TRIM2: variants seen among roughly 807,000 people sequenced by gnomAD.
TRIM2 encodes tripartite motif containing 2.
A neutral mutation model predicts 75.2 loss-of-function variants in TRIM2; 20 were observed. The ratio of observed to expected loss-of-function variants is 0.27; its 90% CI spans 0.19 to 0.39. The LOEUF is 0.39. TRIM2 is among the 10% of genes least tolerant of loss of function. The pLI is 1.00. For synonymous variants in TRIM2, 373 were observed against 388.3 expected, an observed-to-expected ratio of 0.96 and a Z score of 0.46; for missense variants, 660 against 990.8, an observed-to-expected ratio of 0.67 and a Z score of 4.48.
chr4:153,246,364 C>T (rs1006491427), intron 1 of TRIM2, among the ~76,000 whole-genome samples: 1 of 152,216 alleles, frequency 6.6e-6, no homozygotes, highest in Non-Finnish European at 1.5e-5. Flanking sequence ...CCACATTTGT[C>T]TGATTCCAGA....
At chr4:153,304,223 C>T (rs1168657802) in intron 6 of TRIM2, among the ~76,000 whole-genome samples, 1 of 152,130 alleles carries the variant, frequency 6.6e-6, no homozygotes, top group East Asian at 1.9e-4. Context: ...AAGTGATTCT[C>T]TTGCCTCAGC....
intron 1 of TRIM2, among the ~76,000 whole-genome samples, chr4:153,162,837 T>C (rs1020653011): frequency 6.6e-6 from 1 of 152,178 alleles, no homozygotes. Context: ...GAACCCAAGA[T>C]GCCACCTGAG....
chr4:153,236,253 G>C (rs1486414226), intron 1 of TRIM2, among the ~76,000 whole-genome samples: 1 of 152,002 alleles, frequency 6.6e-6, no homozygotes, highest in Admixed American at 6.6e-5. Flanking sequence ...AGCAGCATGG[G>C]AATGCATGGA....
intron 1 of TRIM2, among the ~76,000 whole-genome samples, chr4:153,244,513 A>G (rs1011031994): frequency 6.8e-6 from 1 of 146,072 alleles, no homozygotes; most frequent in Non-Finnish European, 1.5e-5. Context: ...CTCCTGCCTC[A>G]GTCTCCAAAG....
intron 1 of TRIM2, chr4:153,257,635 AT>A: frequency 7.9e-7 from 1 of 1,262,430 alleles, no homozygotes; most frequent in Non-Finnish European, 1.0e-6. Context: ...GTCTCTTTGC[AT>A]GGTGCTTCCC....
intron 1 of TRIM2, among the ~76,000 whole-genome samples, chr4:153,221,217 T>A (rs1053570151): frequency 6.6e-6 from 1 of 152,070 alleles, no homozygotes; most frequent in African/African-American, 2.4e-5. Context: ...CTGAAAAAAT[T>A]TTGCTGAGTG....
chr4:153,264,487 T>C lies in TRIM2; in HGVS notation c.31-5848T>C, dbSNP rs1403775847. Among the ~76,000 whole-genome samples, 3 of 152,206 alleles carry C rather than the reference T, an allele frequency of 2.0e-5. No homozygotes were observed. In the East Asian group the frequency reaches 5.8e-4, roughly 29 times the overall value. Reference sequence around the variant, plus strand: ...TTCTATATTCTGATTTCTTTCATTATAGTGCACTGACTTCCACTGGTTATG... The same window carrying C: ...TTCTATATTCTGATTTCTTTCATTACAGTGCACTGACTTCCACTGGTTATG... On this transcript the variant is annotated intron_variant, in intron 1 of 11. Transcript: ENST00000338700.
chr4:153,238,137 A>G (rs1166418645), intron 1 of TRIM2, among the ~76,000 whole-genome samples: 1 of 152,154 alleles, frequency 6.6e-6, no homozygotes, highest in Non-Finnish European at 1.5e-5. Flanking sequence ...CTCCCTATCT[A>G]ACCCCTGGGT....
chr4:153,321,506 G>C (rs1482158830), intron 8 of TRIM2, among the ~76,000 whole-genome samples: 1 of 152,170 alleles, frequency 6.6e-6, no homozygotes, highest in Non-Finnish European at 1.5e-5. Context: ...ATGATTGATA[G>C]AAATCAAATG....
intron 1 of TRIM2, among the ~76,000 whole-genome samples, chr4:153,188,447 G>A (rs993176461): frequency 2.0e-5 from 3 of 152,080 alleles, no homozygotes; most frequent in African/African-American, 7.2e-5. Flanking sequence ...GTAACAAAGT[G>A]AGACTCTGTC....
chr4:153,232,062 A>C (rs987763245), intron 1 of TRIM2, among the ~76,000 whole-genome samples: 6 of 152,190 alleles, frequency 3.9e-5, no homozygotes, highest in East Asian at 3.8e-4. Flanking sequence ...ATGAAAAAAA[A>C]CCAAAATCCA....
In TRIM2 at chr4:153,190,328, T is replaced by A. The variant is rs988211974; in HGVS notation, c.-49+37058T>A. ...AAACAAACAGAATAGCAGATAGTGG[T>A]GGGTATGACTTGATTTTTAGTGCCA... is the stretch of plus-strand genomic sequence containing the variant. On this transcript the variant is annotated intron_variant, in intron 1 of 11. Coordinates refer to the TRIM2 transcript ENST00000437508. Among the ~76,000 whole-genome samples, 9 of 152,212 alleles carry A rather than the reference T, an allele frequency of 5.9e-5. No individual in the cohort carries two copies. The South Asian group carries it at 1.2e-3, about 21-fold the overall frequency.
chr4:153,192,678 G>A (rs975777056), intron 1 of TRIM2, among the ~76,000 whole-genome samples: 2 of 151,310 alleles, frequency 1.3e-5, no homozygotes, highest in Non-Finnish European at 2.9e-5. Context: ...ATGACAGTTC[G>A]ATATATTGTG....
Position 153,295,474 on chromosome 4 carries a change from C to A in TRIM2, c.948C>A (p.Phe316Leu), listed in dbSNP as rs267600042. The change falls in exon 6 of 12, where the codon TTC becomes TTA. Residue 316 changes from phenylalanine to leucine, a missense_variant. Phe to Leu is a conservative substitution (Grantham distance 22, BLOSUM62 0). Transcript: ENST00000338700. This position sits in a 1 kb window ranked among gnomAD's most constrained non-coding sequence, Gnocchi z 7.2. Reference protein sequence around the residue: ...EKLNELADQDFPLHPRENDQL... With the variant: ...EKLNELADQDLPLHPRENDQL... ...TGAACGAGCTGGCCGACCAGGACTT[C>A]CCCTTGCACCCGCGGGAGAACGACC... The A allele has an allele frequency of 6.2e-7, 1 of 1,614,088 alleles. No homozygotes were observed. Among genetic ancestry groups the A allele is most frequent in the Non-Finnish European group, 8.5e-7 (1 of 1,180,048 alleles).
intron 1 of TRIM2, among the ~76,000 whole-genome samples, chr4:153,209,900 C>T (rs1736486293): frequency 6.6e-6 from 1 of 152,130 alleles, no homozygotes; most frequent in African/African-American, 2.4e-5. Flanking sequence ...TGACTTCTCT[C>T]ACTCTTTGCA....
chr4:153,299,446 T>C (rs1763417384), intron 6 of TRIM2, among the ~76,000 whole-genome samples: 1 of 152,182 alleles, frequency 6.6e-6, no homozygotes, highest in Non-Finnish European at 1.5e-5. Context: ...TTAGGTTGAT[T>C]CCATATCTTG....
intron 6 of TRIM2, among the ~76,000 whole-genome samples, chr4:153,304,352 G>C (rs1378569140): frequency 6.6e-6 from 1 of 152,082 alleles, no homozygotes; most frequent in Non-Finnish European, 1.5e-5. Flanking sequence ...GGCCTCAAGT[G>C]ATCTGCCCGC....
chr4:153,243,152 G>C (rs956450053), intron 1 of TRIM2, among the ~76,000 whole-genome samples: 1 of 152,252 alleles, frequency 6.6e-6, no homozygotes, highest in African/African-American at 2.4e-5. Flanking sequence ...GCCCTGCCAA[G>C]GCAAGGAGGG....
chr4:153,202,963 G>T (rs1734565993), upstream of TRIM2, among the ~76,000 whole-genome samples: 1 of 151,658 alleles, frequency 6.6e-6, no homozygotes. Context: ...AAATTAGCTG[G>T]TCGTGGTGGT....
Sources: allele counts gnomAD v4.1 joint callset (sites outside exome capture counted in the v4.1 genomes callset), GRCh38; gene constraint gnomAD v4.1.1; non-coding constraint Gnocchi (gnomAD v3.1); transcripts MANE v1.5; gene names NCBI Gene and HGNC (gene_info 2026-07-23, HGNC 2026-07-21).